Variants in CXCR2 observed in about 807,000 individuals in gnomAD.
CXCR2 encodes the protein C-X-C chemokine receptor type 2.
CXCR2 carries 2 observed loss-of-function variants against 3.7 expected under a neutral mutation model. That is an observed-to-expected ratio of 0.55 (90% CI 0.22 to 1.72). CXCR2 has a LOEUF of 1.72. CXCR2 is among the 40% of genes most tolerant of loss of function. CXCR2 has a pLI of 0.19. For missense variants in CXCR2, 351 were observed against 450.1 expected, an observed-to-expected ratio of 0.78 and a Z score of 1.99; for synonymous variants, 203 against 193.3, an observed-to-expected ratio of 1.05 and a Z score of -0.41.
chr2:218,136,269 CAAA>C lies in CXCR2; in HGVS notation c.*398_*400del. ...TGAAACCCTGTCTCTACTAAAAATA[CAAA>C]AAAAAAAAAAAATTAGCCGGGCGTG... On this transcript the variant is annotated 3_prime_UTR_variant, in exon 3 of 3. Transcript: ENST00000318507. The C allele has an allele frequency of 6.5e-6, 1 of 154,222 alleles. No individual in the cohort carries two copies. The allele number at this position is 154,222 out of a possible 1,614,324, so 9.6% of individuals were successfully genotyped here.
Position 218,136,085 on chromosome 2 carries a change from T to G in CXCR2, c.*201T>G. On this transcript the variant is annotated 3_prime_UTR_variant, in exon 3 of 3. Transcript: ENST00000318507. Reference sequence around the variant, plus strand: ...TGCCCTGGTGCCTCACCCCTTGCCATAATTACTATGTCATTTGCTGGAGCT... The same window carrying G: ...TGCCCTGGTGCCTCACCCCTTGCCAGAATTACTATGTCATTTGCTGGAGCT... The G allele has an allele frequency of 1.6e-6, 1 of 630,420 alleles. No individual in the cohort carries two copies. The highest frequency in any genetic ancestry group is 2.4e-5 in the South Asian group (1 of 40,892). The allele number at this position is 630,420 out of a possible 1,614,324, so 39.1% of individuals were successfully genotyped here.
At chr2:218,131,595 G>A (rs1448796764) in intron 2 of CXCR2, among the ~76,000 whole-genome samples, 3 of 150,188 alleles carry the variant, frequency 2.0e-5, no homozygotes, top group South Asian at 2.1e-4. Flanking sequence ...TCAGCCTCCC[G>A]AGTAGCTGGG....
At chr2:218,130,218 C>T (rs1360372230) in intron 2 of CXCR2, among the ~76,000 whole-genome samples, 5 of 152,012 alleles carry the variant, frequency 3.3e-5, no homozygotes, top group Non-Finnish European at 5.9e-5. Context: ...GTCAGGAGTT[C>T]GAGACCAGCC....
chr2:218,136,116 C>G lies in CXCR2; in HGVS notation c.*232C>G, dbSNP rs890717066. On this transcript the variant is annotated 3_prime_UTR_variant, in exon 3 of 3. Transcript: ENST00000318507. Reference sequence around the variant, plus strand: ...CTATGTCATTTGCTGGAGCTCTGCCCATCCTGCCCCTGAGCCCATGGCACT... The same window carrying G: ...CTATGTCATTTGCTGGAGCTCTGCCGATCCTGCCCCTGAGCCCATGGCACT... 1 of 544,224 alleles carries G rather than the reference C, an allele frequency of 1.8e-6. No homozygotes were observed. Among genetic ancestry groups the G allele is most frequent in the Non-Finnish European group, 3.3e-6 (1 of 302,810 alleles). 33.7% of individuals were successfully genotyped at this position (544,224 alleles called of 1,614,324 possible).
At position 218,135,507 on chromosome 2, in the gene CXCR2, C is replaced by A. The variant is rs10201766; in HGVS notation, c.706C>A (p.Arg236Ser). The change falls in exon 3 of 3, where the codon CGT (arginine) becomes AGT (serine). Residue 236 changes from arginine to serine, a missense_variant. Transcript: ENST00000318507. This position sits in a 1 kb window ranked among gnomAD's most constrained non-coding sequence, Gnocchi z 4.0. ...IMLFCYGFTLRTLFKAHMGQK... is the reference protein window; with the variant it reads ...IMLFCYGFTLSTLFKAHMGQK... ...GCTGTTCTGCTACGGATTCACCCTG[C>A]GTACGCTGTTTAAGGCCCACATGGG... is the stretch of plus-strand genomic sequence containing the variant. 2.7e-5 allele frequency: 44 copies of A among 1,614,176 alleles called. No homozygotes were observed. The highest frequency in any genetic ancestry group is 3.5e-5 in the Non-Finnish European group (41 of 1,180,018).
intron 2 of CXCR2, among the ~76,000 whole-genome samples, chr2:218,130,492 G>A (rs1011027184): frequency 3.3e-5 from 5 of 152,110 alleles, no homozygotes. Context: ...CTTTTTTTAA[G>A]AGGAAGGGCT....
intron 1 of CXCR2, among the ~76,000 whole-genome samples, 184 bp from the exon 2 acceptor site, chr2:218,129,130 T>C (rs1294234418): frequency 6.6e-6 from 1 of 152,110 alleles, no homozygotes; most frequent in Non-Finnish European, 1.5e-5. Flanking sequence ...TCAGGTCCCT[T>C]CCCAATATAA....
chr2:218,135,602 C>T lies in CXCR2; in HGVS notation c.801C>T (p.Tyr267=), dbSNP rs1232220071. ...TCTTCCTGCTCTGCTGGCTGCCCTA[C>T]AACCTGGTCCTGCTGGCAGACACCC... ...VLIFLLCWLP[Y]NLVLLADTLM... is the part of the protein sequence containing the mutation. Residue 267 remains tyrosine (Y), a synonymous_variant, in exon 3 of 3, where the codon TAC becomes TAT. Coordinates refer to ENST00000318507, the MANE Select transcript of CXCR2 (RefSeq NM_001557.4). This position sits in a 1 kb window ranked among gnomAD's most constrained non-coding sequence, Gnocchi z 4.0. The T allele has an allele frequency of 6.2e-7, 1 of 1,614,150 alleles. No individual in the cohort carries two copies. The highest frequency in any genetic ancestry group is 8.5e-7 in the Non-Finnish European group (1 of 1,180,032).
rs749406301 is a variant in CXCR2 at position 218,135,335 on chromosome 2, G to C, written c.534G>C (p.Leu178=). The part of the protein sequence containing the change: ...SIWGLSLLLA[L]PVLLFRRTVY... ...GGGGTCTGTCCTTGCTCCTGGCCCT[G>C]CCTGTCTTACTTTTCCGAAGGACCG... The change falls in exon 3 of 3, where the codon CTG becomes CTC. Residue 178 remains leucine, a synonymous_variant. Transcript: ENST00000318507. The surrounding 1 kb of genome is among the most constrained non-coding windows in gnomAD (Gnocchi z 4.0). The C allele has an allele frequency of 6.2e-7, 1 of 1,614,152 alleles. No homozygotes were observed. The highest frequency in any genetic ancestry group is 8.5e-7 in the Non-Finnish European group (1 of 1,180,022).
In CXCR2 at chr2:218,137,207, A is replaced by G. The variant is rs981331760; in HGVS notation, c.*1323A>G. 6.0e-6 allele frequency: 1 copy of G among 167,112 alleles called. No homozygotes were observed. Among genetic ancestry groups the G allele is most frequent in the Non-Finnish European group, 1.5e-5 (1 of 68,102 alleles). The allele number at this position is 167,112 out of a possible 1,614,324, so 10.4% of individuals were successfully genotyped here. A position where few individuals can be genotyped will look rare whatever the true frequency, so the allele number is the denominator to read the frequency against. ...CCTATATTTTTTGTTAAATGATTTC[A>G]TTCAATATCTTTTTTTTAATAAACC... On this transcript the variant is annotated 3_prime_UTR_variant, in exon 3 of 3. Transcript: ENST00000318507.
chr2:218,126,023 C>T (rs972592828), upstream of CXCR2: 1 of 152,280 alleles, frequency 6.6e-6, no homozygotes, highest in Admixed American at 6.5e-5. Context: ...AGGTTCAAAA[C>T]ATTCAGAGAC....
intron 1 of CXCR2, among the ~76,000 whole-genome samples, chr2:218,127,361 G>C (rs1056255251): frequency 6.6e-6 from 1 of 151,150 alleles, no homozygotes; most frequent in African/African-American, 2.4e-5. Context: ...TCCTGGCCTC[G>C]AGTGATCCAC....
At chr2:218,132,321 T>C (rs1316600136) in intron 2 of CXCR2, among the ~76,000 whole-genome samples, 1 of 152,242 alleles carries the variant, frequency 6.6e-6, no homozygotes, top group Non-Finnish European at 1.5e-5. Context: ...TTGCCTATTT[T>C]GGTCATTTCA....
chr2:218,130,354 A>C (rs909640516), intron 2 of CXCR2, among the ~76,000 whole-genome samples: 1 of 152,258 alleles, frequency 6.6e-6, no homozygotes, highest in Admixed American at 6.5e-5. Context: ...CGGGAGGTGG[A>C]GGTTGCAGTG....
At chr2:218,130,007 T>G (rs1455164166) in intron 2 of CXCR2, among the ~76,000 whole-genome samples, 1 of 152,176 alleles carries the variant, frequency 6.6e-6, no homozygotes, top group Admixed American at 6.5e-5. Context: ...GTGTTTGGTT[T>G]ATCATCCCTG....
At chr2:218,130,420 A>G (rs1318532080) in intron 2 of CXCR2, among the ~76,000 whole-genome samples, 1 of 152,190 alleles carries the variant, frequency 6.6e-6, no homozygotes, top group Non-Finnish European at 1.5e-5. Context: ...CTGCATCAAA[A>G]AAAGAAAAAA....
Position 218,135,091 on chromosome 2 carries a change from T to G in CXCR2, c.290T>G (p.Phe97Cys), listed in dbSNP as rs1207518010. 6.2e-7 allele frequency: 1 copy of G among 1,614,108 alleles called. No homozygotes were observed. Among genetic ancestry groups the G allele is most frequent in the African/African-American group, 1.3e-5 (1 of 74,940 alleles). Residue 97 changes from phenylalanine to cysteine, a missense_variant, in exon 3 of 3, where the codon TTT becomes TGT. Coordinates refer to ENST00000318507, the MANE Select transcript of CXCR2 (RefSeq NM_001557.4). This position sits in a 1 kb window ranked among gnomAD's most constrained non-coding sequence, Gnocchi z 4.0. ...LLNLALADLLFALTLPIWAAS... is the reference protein window; with the variant it reads ...LLNLALADLLCALTLPIWAAS... ...AACCTAGCCTTGGCCGACCTACTCT[T>G]TGCCCTGACCTTGCCCATCTGGGCC...
chr2:218,135,951 A>G lies in CXCR2; in HGVS notation c.*67A>G, dbSNP rs1478270121. ...TCTTCACAGTCACATTCCAAGCCTC[A>G]TGTCCACTGGTTCTTCTTGGTCTCA... is the stretch of plus-strand genomic sequence containing the variant. On this transcript the variant is annotated 3_prime_UTR_variant, in exon 3 of 3. Transcript: ENST00000318507. The surrounding 1 kb of genome is among the most constrained non-coding windows in gnomAD (Gnocchi z 4.0). The G allele has an allele frequency of 3.9e-6, 6 of 1,520,370 alleles. No individual in the cohort carries two copies. The highest frequency in any genetic ancestry group is 1.3e-5 in the South Asian group (1 of 76,486). 94.2% of individuals were successfully genotyped at this position (1,520,370 alleles called of 1,614,324 possible).
chr2:218,135,770 T>G lies in CXCR2; in HGVS notation c.969T>G (p.His323Gln). 2 of 1,614,048 alleles carry G rather than the reference T, an allele frequency of 1.2e-6. No individual in the cohort carries two copies. Among genetic ancestry groups the G allele is most frequent in the Non-Finnish European group, 1.7e-6 (2 of 1,180,004 alleles). ...IYAFIGQKFR[H>Q]GLLKILAIHG... ...CCTTCATTGGCCAGAAGTTTCGCCATGGACTCCTCAAGATTCTAGCTATAC... is the reference window on the plus strand; with the variant it reads ...CCTTCATTGGCCAGAAGTTTCGCCAGGGACTCCTCAAGATTCTAGCTATAC... Residue 323 changes from histidine to glutamine, a missense_variant, in exon 3 of 3, where the codon CAT becomes CAG. Transcript: ENST00000318507. The surrounding 1 kb of genome is among the most constrained non-coding windows in gnomAD (Gnocchi z 4.0).
Sources: gnomAD v4.1 joint callset for allele counts (sites outside exome capture counted in the v4.1 genomes callset) on GRCh38, gnomAD v4.1.1 for gene constraint, Gnocchi (gnomAD v3.1) non-coding constraint, MANE v1.5 for transcripts, NCBI Gene and HGNC (gene_info 2026-07-23, HGNC 2026-07-21) for gene names.